The following DIP2B variants were observed in gnomAD, a reference collection of about 807,000 sequenced individuals.
DIP2B encodes disco-interacting protein 2 homolog B.
Under a neutral mutation model 198.0 loss-of-function variants are expected in DIP2B, and 76 were observed. The ratio of observed to expected loss-of-function variants is 0.38; its 90% CI spans 0.32 to 0.46. DIP2B has a LOEUF of 0.46. DIP2B is among the 20% of genes least tolerant of loss of function. The pLI, the probability that DIP2B is intolerant of heterozygous loss-of-function variation, is 0.99. For synonymous variants in DIP2B, 701 were observed against 739.1 expected (o/e 0.95, Z 0.84); for missense variants, 1,559 against 1,978.4 (o/e 0.79, Z 4.02).
At chr12:50,652,133 G>A (rs1283861110) in intron 3 of DIP2B, among the ~76,000 whole-genome samples, 1 of 151,804 alleles carries the variant, frequency 6.6e-6, no homozygotes, top group East Asian at 1.9e-4. Context: ...CCAACATGGT[G>A]AAACCCCATC....
intron 28 of DIP2B, among the ~76,000 whole-genome samples, chr12:50,726,902 C>T (rs1592144754): frequency 6.6e-6 from 1 of 152,086 alleles, no homozygotes; most frequent in African/African-American, 2.4e-5. Context: ...CACTTGGGCT[C>T]AGGAGTTGGA....
intron 1 of DIP2B, among the ~76,000 whole-genome samples, chr12:50,534,631 T>A (rs917910963): frequency 6.6e-6 from 1 of 152,206 alleles, no homozygotes; most frequent in Admixed American, 6.5e-5. Context: ...CCCAAAGTGC[T>A]GGGATTACAG....
At position 50,715,892 on chromosome 12, in the gene DIP2B, G is replaced by A. The variant is rs749479510; in HGVS notation, c.2851+1296G>A. Among the ~76,000 whole-genome samples, 10 of 152,268 alleles carry A rather than the reference G, an allele frequency of 6.6e-5. No individual in the cohort carries two copies. In the East Asian group the frequency reaches 1.5e-3, roughly 23 times the overall value. ...TAACTAGCAGTTTTTGCCATAAGAC[G>A]TTTACAGAATTTTATTGGAAAATCA... On this transcript the variant is annotated intron_variant, in intron 23 of 37. Coordinates refer to ENST00000301180, the MANE Select transcript of DIP2B (RefSeq NM_173602.3).
chr12:50,593,302 C>T (rs1008302078), intron 1 of DIP2B, among the ~76,000 whole-genome samples: 14 of 152,038 alleles, frequency 9.2e-5, no homozygotes, highest in South Asian at 2.1e-4. Flanking sequence ...GTCAAGAGAT[C>T]GAGACCATCC....
chr12:50,692,977 TAAG>T lies in DIP2B; in HGVS notation c.1687_1689del (p.Lys563del). ...AAACAATAGTAAATGTCTTAGACTT[TAAG>T]AAGGATGCTGGGCTGTGGCACGGCA... On this transcript the variant is annotated inframe_deletion, in exon 14 of 38. Transcript: ENST00000301180. 6.2e-7 allele frequency: 1 copy of T among 1,611,006 alleles called. No homozygotes were observed. Among genetic ancestry groups the T allele is most frequent in the Non-Finnish European group, 8.5e-7 (1 of 1,179,250 alleles).
chr12:50,547,727 G>GA (rs1958389908), intron 1 of DIP2B, among the ~76,000 whole-genome samples: 1 of 152,198 alleles, frequency 6.6e-6, no homozygotes, highest in Non-Finnish European at 1.5e-5. Context: ...TATATTAAGT[G>GA]AAAATAGGCT....
intron 14 of DIP2B, among the ~76,000 whole-genome samples, chr12:50,694,654 C>CCT (rs1555193348): frequency 6.1e-5 from 8 of 131,212 alleles, no homozygotes; most frequent in African/African-American, 2.3e-4. Flanking sequence ...ACCCCTGTCT[C>CCT]TTTTTTTTTT....
chr12:50,727,837 C>G lies in DIP2B; in HGVS notation c.3510+25C>G, dbSNP rs750276620. ...GGTAAGGTGCATGCTGGAAAAATGC[C>G]ACATCTGCCAAAAAATAGAGATGAC... On this transcript the variant is annotated intron_variant, in intron 29 of 37. Coordinates refer to ENST00000301180, the MANE Select transcript of DIP2B (RefSeq NM_173602.3). The G allele has an allele frequency of 5.6e-5, 88 of 1,580,098 alleles. No individual in the cohort carries two copies. In the East Asian group the frequency reaches 2.0e-3, roughly 36 times the overall value.
At chr12:50,569,178 G>C (rs1467128474) in intron 1 of DIP2B, among the ~76,000 whole-genome samples, 1 of 151,194 alleles carries the variant, frequency 6.6e-6, no homozygotes, top group Non-Finnish European at 1.5e-5. Flanking sequence ...GGCACATAAA[G>C]TATCAGATAA....
intron 2 of DIP2B, among the ~76,000 whole-genome samples, chr12:50,633,940 A>G (rs553889096): frequency 3.3e-5 from 5 of 152,334 alleles, no homozygotes; most frequent in South Asian, 4.1e-4. Flanking sequence ...CTGGTATTTA[A>G]GGGCCATGCT....
intron 1 of DIP2B, 103 bp from the exon 2 acceptor site, chr12:50,625,873 T>G: frequency 3.4e-6 from 4 of 1,169,296 alleles, no homozygotes; most frequent in Admixed American, 2.0e-5. Context: ...CCCCTGCCTC[T>G]ATATGGGGTA....
At chr12:50,544,425 G>A (rs1206685330) in intron 1 of DIP2B, among the ~76,000 whole-genome samples, 1 of 152,046 alleles carries the variant, frequency 6.6e-6, no homozygotes, top group Non-Finnish European at 1.5e-5. Flanking sequence ...TCCCGCGTCA[G>A]CCACCCAAAT....
chr12:50,610,763 C>G (rs1017282048), intron 1 of DIP2B, among the ~76,000 whole-genome samples: 2 of 151,968 alleles, frequency 1.3e-5, no homozygotes, highest in African/African-American at 2.4e-5. Context: ...GCCTCAGCCT[C>G]CCAAAGTGCT....
At chr12:50,696,782 A>C (rs1362621791) in intron 16 of DIP2B, among the ~76,000 whole-genome samples, 7 of 152,188 alleles carry the variant, frequency 4.6e-5, no homozygotes, top group Non-Finnish European at 8.8e-5. Context: ...CTGCAGTGTT[A>C]TCTCTGATAC....
chr12:50,704,554 G>C (rs1438135394), intron 20 of DIP2B, among the ~76,000 whole-genome samples: 1 of 152,176 alleles, frequency 6.6e-6, no homozygotes, highest in African/African-American at 2.4e-5. Context: ...CAATAAGTTA[G>C]AAGAGTGCTG....
In DIP2B at chr12:50,505,053, G is replaced by C; in HGVS notation, c.-88G>C. On this transcript the variant is annotated 5_prime_UTR_variant, in exon 1 of 38. Coordinates refer to ENST00000301180, the MANE Select transcript of DIP2B (RefSeq NM_173602.3). ...TGGTGGTGCTCGGCGGCCGGAGCCG[G>C]ATCCTGTAGCCGGGTGTGGGCCCGT... is the stretch of plus-strand genomic sequence containing the variant. 1 of 1,362,044 alleles carries C rather than the reference G, an allele frequency of 7.3e-7. No homozygotes were observed. The highest frequency in any genetic ancestry group is 2.0e-5 in the Admixed American group (1 of 48,782). 84.4% of individuals were successfully genotyped at this position (1,362,044 alleles called of 1,614,324 possible). A position where few individuals can be genotyped will look rare whatever the true frequency, so the allele number is the denominator to read the frequency against.
intron 4 of DIP2B, among the ~76,000 whole-genome samples, chr12:50,670,632 G>A (rs1168863628): frequency 6.6e-6 from 1 of 152,068 alleles, no homozygotes; most frequent in Non-Finnish European, 1.5e-5. Flanking sequence ...GGCCAGGCTG[G>A]TCTTGAACTC....
chr12:50,545,635 G>A (rs1246924744), intron 1 of DIP2B, among the ~76,000 whole-genome samples: 2 of 151,510 alleles, frequency 1.3e-5, no homozygotes, highest in Non-Finnish European at 2.9e-5. Flanking sequence ...GGCCAGGCAT[G>A]GTTACTCACA....
intron 23 of DIP2B, among the ~76,000 whole-genome samples, chr12:50,717,503 C>CT (rs1037048511): frequency 6.6e-5 from 10 of 151,650 alleles, no homozygotes; most frequent in African/African-American, 2.2e-4. Context: ...GCAGCTAGGA[C>CT]TACAGGCACC....
Sources: allele counts gnomAD v4.1 joint callset (sites outside exome capture counted in the v4.1 genomes callset), GRCh38; gene constraint gnomAD v4.1.1; transcripts MANE v1.5; gene names NCBI Gene and HGNC (gene_info 2026-07-23, HGNC 2026-07-21).